FOXN2: variants seen among roughly 807,000 people sequenced by gnomAD.
FOXN2 encodes forkhead box protein N2.
FOXN2 carries 19 observed loss-of-function variants against 41.2 expected under a neutral mutation model. The ratio of observed to expected loss-of-function variants is 0.46; its 90% CI spans 0.32 to 0.68. The LOEUF is 0.68. Among genes scored for constraint, FOXN2 ranks in the 30% least tolerant of loss-of-function variants. FOXN2 has a pLI of 0.03. For synonymous variants in FOXN2, 195 were observed against 176.8 expected (o/e 1.10, Z -0.82); for missense variants, 587 against 509.4 (o/e 1.15, Z -1.47).
chr2:48,329,099 T>C (rs962152837), intron 2 of FOXN2, among the ~76,000 whole-genome samples: 2 of 152,202 alleles, frequency 1.3e-5, no homozygotes, highest in African/African-American at 4.8e-5. Flanking sequence ...TTGATGTATT[T>C]GGTCTTTATG....
intron 1 of FOXN2, among the ~76,000 whole-genome samples, chr2:48,315,898 C>T (rs1394422336): frequency 6.6e-6 from 1 of 152,186 alleles, no homozygotes; most frequent in South Asian, 2.1e-4. Context: ...AGAGTTTTAG[C>T]GTGCAAAGAA....
intron 2 of FOXN2, among the ~76,000 whole-genome samples, chr2:48,330,337 C>G (rs1669950530): frequency 6.6e-6 from 1 of 152,042 alleles, no homozygotes; most frequent in Non-Finnish European, 1.5e-5. Flanking sequence ...TGTATTAAAT[C>G]TTAGTGGCAA....
intron 2 of FOXN2, among the ~76,000 whole-genome samples, chr2:48,341,275 A>C (rs1490094809): frequency 6.6e-6 from 1 of 152,146 alleles, no homozygotes; most frequent in African/African-American, 2.4e-5. Flanking sequence ...TTTAAGATGT[A>C]GTTTCTCATA....
chr2:48,318,037 T>G (rs1439417270), intron 1 of FOXN2, among the ~76,000 whole-genome samples: 2 of 152,196 alleles, frequency 1.3e-5, no homozygotes, highest in African/African-American at 4.8e-5. Context: ...CCATATATAC[T>G]TTATTTCCCT....
intron 1 of FOXN2, among the ~76,000 whole-genome samples, chr2:48,326,433 A>T (rs1669681409): frequency 6.6e-6 from 1 of 152,186 alleles, no homozygotes; most frequent in Non-Finnish European, 1.5e-5. Context: ...CAGGTAAGGG[A>T]CATTGCTAGA....
intron 3 of FOXN2, among the ~76,000 whole-genome samples, chr2:48,357,473 G>T (rs1343720028): frequency 6.6e-6 from 1 of 151,848 alleles, no homozygotes; most frequent in East Asian, 1.9e-4. Flanking sequence ...TGGGGCAAAA[G>T]ATGTTGTAGG....
At chr2:48,342,225 A>T (rs1021479355) in intron 2 of FOXN2, among the ~76,000 whole-genome samples, 1 of 152,066 alleles carries the variant, frequency 6.6e-6, no homozygotes, top group Non-Finnish European at 1.5e-5. Flanking sequence ...TAATTTATTC[A>T]CATTCTTCAA....
chr2:48,368,395 C>A (rs1672664126), intron 5 of FOXN2, among the ~76,000 whole-genome samples: 1 of 152,120 alleles, frequency 6.6e-6, no homozygotes, highest in South Asian at 2.1e-4. Flanking sequence ...GCAAAATTGG[C>A]TGAACGCGGT....
intron 5 of FOXN2, among the ~76,000 whole-genome samples, chr2:48,364,011 A>G (rs1309361389): frequency 6.6e-6 from 1 of 152,132 alleles, no homozygotes; most frequent in African/African-American, 2.4e-5. Flanking sequence ...GTGATCTCCT[A>G]CCTCAGCTTC....
At chr2:48,347,584 C>G (rs1671193198) in intron 3 of FOXN2, among the ~76,000 whole-genome samples, 1 of 151,116 alleles carries the variant, frequency 6.6e-6, no homozygotes, top group Non-Finnish European at 1.5e-5. Flanking sequence ...TTTATCTCTA[C>G]TATTGCCTGA....
At chr2:48,326,598 G>C (rs748843472) in intron 1 of FOXN2, among the ~76,000 whole-genome samples, 1 of 152,134 alleles carries the variant, frequency 6.6e-6, no homozygotes, top group African/African-American at 2.4e-5. Context: ...CATGTATACT[G>C]GTTGAGCATC....
chr2:48,323,364 G>A (rs575174572), intron 1 of FOXN2, among the ~76,000 whole-genome samples: 1 of 152,150 alleles, frequency 6.6e-6, no homozygotes, highest in African/African-American at 2.4e-5. Flanking sequence ...CAGTGTATGC[G>A]CATTCCCCCT....
chr2:48,344,947 A>C (rs940691266), intron 2 of FOXN2, among the ~76,000 whole-genome samples: 1 of 151,710 alleles, frequency 6.6e-6, no homozygotes, highest in African/African-American at 2.4e-5. Flanking sequence ...GAGCCATTGA[A>C]AATTAATTAA....
chr2:48,316,095 C>G (rs113984792), intron 1 of FOXN2, among the ~76,000 whole-genome samples: 1 of 151,938 alleles, frequency 6.6e-6, no homozygotes, highest in Non-Finnish European at 1.5e-5. Context: ...TAGCCAGGGG[C>G]TTTGTAACTG....
At chr2:48,364,672 A>G (rs185340185) in intron 5 of FOXN2, among the ~76,000 whole-genome samples, 71 of 152,396 alleles carry the variant, frequency 4.7e-4, no homozygotes, top group Middle Eastern at 6.8e-3. Flanking sequence ...TTGGCAAACT[A>G]TGGCCCATGG....
intron 5 of FOXN2, among the ~76,000 whole-genome samples, chr2:48,372,955 C>T (rs1673008396): frequency 6.7e-6 from 1 of 149,406 alleles, no homozygotes; most frequent in Non-Finnish European, 1.5e-5. Context: ...GATGTACATT[C>T]TTAGCTAATT....
intron 3 of FOXN2, among the ~76,000 whole-genome samples, chr2:48,354,455 C>T (rs991834785): frequency 1.3e-5 from 2 of 152,188 alleles, no homozygotes; most frequent in African/African-American, 2.4e-5. Flanking sequence ...CAAAAATTAG[C>T]TGGGTGTGGT....
chr2:48,348,068 C>G (rs942884076), intron 3 of FOXN2, among the ~76,000 whole-genome samples: 1 of 151,576 alleles, frequency 6.6e-6, no homozygotes, highest in East Asian at 1.9e-4. Context: ...GCTTTGGGTT[C>G]TCAGTGGTTC....
intron 2 of FOXN2, among the ~76,000 whole-genome samples, chr2:48,345,303 A>G (rs907971479): frequency 6.6e-6 from 1 of 152,122 alleles, no homozygotes; most frequent in Non-Finnish European, 1.5e-5. Flanking sequence ...GGAAGTATAG[A>G]GTAGAATGGT....
Sources: allele counts gnomAD v4.1 joint callset (sites outside exome capture counted in the v4.1 genomes callset), GRCh38; gene constraint gnomAD v4.1.1; transcripts MANE v1.5; gene names NCBI Gene and HGNC (gene_info 2026-07-23, HGNC 2026-07-21).